Variants in CA10 observed in about 807,000 individuals in gnomAD.
The protein encoded by CA10 is carbonic anhydrase 10 (inactive).
CA10 carries 14 observed loss-of-function variants against 44.2 expected under a neutral mutation model. The ratio of observed to expected loss-of-function variants is 0.32; its 90% CI spans 0.21 to 0.50. CA10 has a LOEUF of 0.50. Ranked by LOEUF, CA10 falls within the 20% of genes least tolerant of loss-of-function variation. The probability of loss-of-function intolerance (pLI) is 0.99; values close to 1 mark genes in which losing one functional copy is unlikely to be tolerated. For synonymous variants in CA10, 159 were observed against 141.6 expected (o/e 1.12, Z -0.87); for missense variants, 350 against 409.7 (o/e 0.85, Z 1.26).
chr17:51,669,400 C>T (rs1004229145), intron 4 of CA10, among the ~76,000 whole-genome samples: 26 of 152,200 alleles, frequency 1.7e-4, no homozygotes, highest in South Asian at 8.3e-4. Context: ...TCTGTCAAAA[C>T]GGACCAATCA....
intron 4 of CA10, among the ~76,000 whole-genome samples, chr17:51,746,024 A>T (rs989811774): frequency 1.3e-5 from 2 of 152,216 alleles, no homozygotes; most frequent in African/African-American, 4.8e-5. Flanking sequence ...TCTAGTTCAG[A>T]ATCTGCAACT....
At chr17:51,986,434 T>C (rs1984839227) in intron 2 of CA10, among the ~76,000 whole-genome samples, 1 of 151,996 alleles carries the variant, frequency 6.6e-6, no homozygotes, top group African/African-American at 2.4e-5. Flanking sequence ...TCCTTGTAGA[T>C]GTTGGCTTAG....
intron 2 of CA10, among the ~76,000 whole-genome samples, chr17:52,051,023 A>AGGAAGGAAG (rs1046848766): frequency 3.3e-5 from 5 of 149,944 alleles, no homozygotes; most frequent in African/African-American, 5.0e-5. Context: ...GAACGAAGGA[A>AGGAAGGAAG]GGAAGGAAGG....
intron 2 of CA10, among the ~76,000 whole-genome samples, chr17:52,004,241 T>A (rs1985526632): frequency 6.6e-6 from 1 of 152,004 alleles, no homozygotes; most frequent in Non-Finnish European, 1.5e-5. Context: ...TTTCCCTATG[T>A]TACCCTTTAG....
At chr17:51,942,257 G>A (rs897803444) in intron 2 of CA10, among the ~76,000 whole-genome samples, 17 of 152,134 alleles carry the variant, frequency 1.1e-4, no homozygotes, top group African/African-American at 3.9e-4. Flanking sequence ...GACATCAGGA[G>A]AAATAATCTT....
intron 4 of CA10, among the ~76,000 whole-genome samples, chr17:51,693,319 G>A (rs2143433542): frequency 1.3e-5 from 2 of 152,188 alleles, no homozygotes; most frequent in East Asian, 3.9e-4. Context: ...ACTCCTCTGG[G>A]TAATTATATC....
chr17:51,686,541 C>T (rs1915016453), intron 4 of CA10, among the ~76,000 whole-genome samples: 1 of 151,942 alleles, frequency 6.6e-6, no homozygotes, highest in Admixed American at 6.6e-5. Flanking sequence ...TTAGAATCAC[C>T]TTGAGGATAT....
intron 4 of CA10, among the ~76,000 whole-genome samples, chr17:51,654,578 T>C (rs1193892931): frequency 1.3e-5 from 2 of 151,698 alleles, no homozygotes; most frequent in African/African-American, 2.4e-5. Flanking sequence ...TTTTTTTAAG[T>C]TGGAGTCTCG....
intron 3 of CA10, among the ~76,000 whole-genome samples, chr17:51,924,322 A>G (rs1329686991): frequency 3.3e-5 from 5 of 152,188 alleles, no homozygotes; most frequent in African/African-American, 9.6e-5. Flanking sequence ...CACTGGGAAC[A>G]AAAGGTATGT....
intron 1 of CA10, among the ~76,000 whole-genome samples, chr17:52,086,323 A>T (rs1185894776): frequency 6.6e-6 from 1 of 152,220 alleles, no homozygotes; most frequent in Non-Finnish European, 1.5e-5. Flanking sequence ...TGATTGGCAT[A>T]TAGCTCTCCA....
At position 51,851,549 on chromosome 17, in the gene CA10, TTTA is replaced by T. The variant is rs1462736361; in HGVS notation, c.279+79438_279+79440del. Among the ~76,000 whole-genome samples, 89 of 152,324 alleles carry T rather than the reference TTTA, an allele frequency of 5.8e-4. 1 individual carries two copies. Among genetic ancestry groups the T allele is most frequent in the Non-Finnish European group, 4.7e-4 (32 of 68,030 alleles). The stretch of plus-strand genomic sequence containing the variant: ...CATGTAGCAGGTGAATGAGAAATAT[TTTA>T]TTGTTATTTTAAATTTATGATATAA... On this transcript the variant is annotated intron_variant, in intron 3 of 8. Transcript: ENST00000451037.
At chr17:51,932,270 A>T (rs903365296) in intron 2 of CA10, among the ~76,000 whole-genome samples, 1 of 152,138 alleles carries the variant, frequency 6.6e-6, no homozygotes, top group Non-Finnish European at 1.5e-5. Context: ...CAATCACATT[A>T]GCCTTCTTAA....
intron 4 of CA10, among the ~76,000 whole-genome samples, chr17:51,744,954 C>T (rs914450030): frequency 6.6e-6 from 1 of 152,174 alleles, no homozygotes; most frequent in African/African-American, 2.4e-5. Flanking sequence ...CATTGAGAGG[C>T]TTGGAAAGAA....
intron 2 of CA10, among the ~76,000 whole-genome samples, chr17:51,995,429 A>T (rs1985199829): frequency 6.6e-6 from 1 of 152,092 alleles, no homozygotes; most frequent in Non-Finnish European, 1.5e-5. Context: ...TTTTTTAAAA[A>T]AATATGCAAA....
chr17:52,137,517 T>A (rs922344667), intron 1 of CA10, among the ~76,000 whole-genome samples: 11 of 152,206 alleles, frequency 7.2e-5, no homozygotes, highest in African/African-American at 2.7e-4. Context: ...GGATTTGATA[T>A]GAAGAGACAA....
intron 1 of CA10, among the ~76,000 whole-genome samples, chr17:52,098,855 C>G (rs960428724): frequency 6.6e-6 from 1 of 152,148 alleles, no homozygotes; most frequent in Non-Finnish European, 1.5e-5. Context: ...TAAGACACAT[C>G]TTTACAATGT....
intron 7 of CA10, among the ~76,000 whole-genome samples, chr17:51,634,061 T>G (rs1180525413): frequency 6.6e-6 from 1 of 152,230 alleles, no homozygotes; most frequent in Non-Finnish European, 1.5e-5. Context: ...TAAACTAAGC[T>G]GGACCAGTTT....
chr17:51,845,908 T>C (rs1038748547), intron 3 of CA10, among the ~76,000 whole-genome samples: 1 of 152,220 alleles, frequency 6.6e-6, no homozygotes, highest in African/African-American at 2.4e-5. Flanking sequence ...TGAGAAATGC[T>C]CATGGACATG....
At chr17:51,826,766 A>C (rs1193175247) in intron 3 of CA10, among the ~76,000 whole-genome samples, 1 of 152,136 alleles carries the variant, frequency 6.6e-6, no homozygotes, top group African/African-American at 2.4e-5. Context: ...CAGGGTATTT[A>C]TTCTATTGTC....
Sources: allele counts gnomAD v4.1 joint callset (sites outside exome capture counted in the v4.1 genomes callset), GRCh38; gene constraint gnomAD v4.1.1; transcripts MANE v1.5; gene names NCBI Gene and HGNC (gene_info 2026-07-23, HGNC 2026-07-21).